TSNARE1: variants seen among roughly 807,000 people sequenced by gnomAD.
TSNARE1 encodes the protein t-SNARE domain-containing protein 1.
TSNARE1 carries 49 observed loss-of-function variants against 62.0 expected under a neutral mutation model. The observed-to-expected ratio is 0.79, with a 90% CI of 0.63 to 1.00. The LOEUF is 1.00. Among genes scored for constraint, TSNARE1 ranks in the 50% least tolerant of loss-of-function variants. The probability of loss-of-function intolerance (pLI) is 0.00; values close to 1 mark genes in which losing one functional copy is unlikely to be tolerated. For synonymous variants in TSNARE1, 328 were observed against 294.4 expected (o/e 1.11, Z -1.17); for missense variants, 755 against 700.1 (o/e 1.08, Z -0.88).
chr8:142,331,993 C>T (rs1258808476), intron 4 of TSNARE1, among the ~76,000 whole-genome samples, 162 bp from the exon 5 acceptor site: 3 of 152,188 alleles, frequency 2.0e-5, no homozygotes, highest in African/African-American at 4.8e-5. Context: ...ACCCTGGAGT[C>T]AGTGCTGGAC....
rs555309697 is a variant in TSNARE1 at position 142,394,288 on chromosome 8, C to T, written c.-40+8816G>A. Among the ~76,000 whole-genome samples the T allele has an allele frequency of 1.9e-3, 283 of 152,326 alleles. 1 individual carries two copies. Among genetic ancestry groups the T allele is most frequent in the African/African-American group, 6.4e-3 (264 of 41,574 alleles). ...GGACCACCCTGCCAGACTGAAGGAA[C>T]CAGGGTGTGGGCACCCCACAGCAGC... is the stretch of plus-strand genomic sequence containing the variant. On this transcript the variant is annotated intron_variant, in intron 1 of 13. Coordinates refer to ENST00000524325, the MANE Select transcript of TSNARE1 (RefSeq NM_145003.5).
At chr8:142,275,767 A>G (rs1820374339) in intron 11 of TSNARE1, 6 of 984,986 alleles carry the variant, frequency 6.1e-6, no homozygotes, top group African/African-American at 1.7e-5. Flanking sequence ...CAGGGCACAG[A>G]CCTGAGCTGA....
chr8:142,260,621 G>A (rs553673479), intron 12 of TSNARE1, among the ~76,000 whole-genome samples: 3 of 152,194 alleles, frequency 2.0e-5, no homozygotes, highest in South Asian at 2.1e-4. Context: ...GGAAAGCTTC[G>A]ATGTGGCCAG....
chr8:142,377,893 A>G (rs1369213164), intron 1 of TSNARE1, among the ~76,000 whole-genome samples: 1 of 152,254 alleles, frequency 6.6e-6, no homozygotes, highest in Non-Finnish European at 1.5e-5. Flanking sequence ...TATAATATGC[A>G]GCATCTCTAA....
At chr8:142,342,659 T>C (rs973152263) in intron 4 of TSNARE1, among the ~76,000 whole-genome samples, 2 of 152,204 alleles carry the variant, frequency 1.3e-5, no homozygotes, top group African/African-American at 4.8e-5. Context: ...GTGCACGCCA[T>C]GTCTATGCCC....
chr8:142,380,978 C>T (rs903244209), intron 1 of TSNARE1, among the ~76,000 whole-genome samples: 1 of 152,214 alleles, frequency 6.6e-6, no homozygotes, highest in Non-Finnish European at 1.5e-5. Flanking sequence ...CACACCTGCA[C>T]AGCTGGCCTC....
intron 9 of TSNARE1, among the ~76,000 whole-genome samples, chr8:142,305,626 T>C (rs1586693224): frequency 6.6e-6 from 1 of 152,000 alleles, no homozygotes; most frequent in South Asian, 2.1e-4. Context: ...GACGCCCGGG[T>C]CCCTCCGCGG....
intron 13 of TSNARE1, among the ~76,000 whole-genome samples, chr8:142,218,214 G>T (rs1445668888): frequency 6.9e-6 from 1 of 145,292 alleles, no homozygotes; most frequent in African/African-American, 2.6e-5. Context: ...CCAGAGTCAG[G>T]GCTTAACGTG....
intron 13 of TSNARE1, among the ~76,000 whole-genome samples, chr8:142,225,852 G>A (rs1415263023): frequency 3.9e-5 from 6 of 152,188 alleles, no homozygotes; most frequent in Non-Finnish European, 7.3e-5. Flanking sequence ...CTCATAGCCC[G>A]GGAGGTGAAG....
intron 12 of TSNARE1, among the ~76,000 whole-genome samples, chr8:142,257,330 G>A (rs926783839): frequency 2.6e-5 from 4 of 152,194 alleles, no homozygotes; most frequent in African/African-American, 9.6e-5. Context: ...CCGGTGCTCA[G>A]GAGGGGCCTG....
At chr8:142,378,908 G>A (rs117966797) in intron 1 of TSNARE1, among the ~76,000 whole-genome samples, 3,173 of 152,232 alleles carry the variant, frequency 0.021, 90 homozygotes, top group South Asian at 0.074. Context: ...CTGAGGCCCC[G>A]GGTGGCGCAC....
At chr8:142,370,853 A>C (rs926252835) in intron 1 of TSNARE1, among the ~76,000 whole-genome samples, 20 of 151,924 alleles carry the variant, frequency 1.3e-4, no homozygotes, top group Non-Finnish European at 2.2e-4. Context: ...AAAAACAAAA[A>C]AAAAAAAACC....
At chr8:142,221,829 TCACTCATC>T (rs1816257897) in intron 13 of TSNARE1, among the ~76,000 whole-genome samples, 3 of 57,144 alleles carry the variant, frequency 5.2e-5, no homozygotes, top group East Asian at 5.0e-4. Flanking sequence ...ATTCACTCAC[TCACTCATC>T]CACTCATTCA....
intron 10 of TSNARE1, among the ~76,000 whole-genome samples, chr8:142,290,475 GC>G (rs1823569055): frequency 6.6e-6 from 1 of 152,204 alleles, no homozygotes; most frequent in Non-Finnish European, 1.5e-5. Context: ...AAAGCCCCTT[GC>G]ACGAGACATA....
chr8:142,381,469 C>CG (rs71685215), intron 1 of TSNARE1, among the ~76,000 whole-genome samples: 6 of 75,506 alleles, frequency 7.9e-5, no homozygotes, highest in Non-Finnish European at 1.3e-4. Flanking sequence ...CCTATCAGCG[C>CG]CCCCCCCCAC....
At chr8:142,292,278 C>G (rs1823918184) in intron 10 of TSNARE1, among the ~76,000 whole-genome samples, 1 of 152,194 alleles carries the variant, frequency 6.6e-6, no homozygotes, top group African/African-American at 2.4e-5. Flanking sequence ...GTTGGAAGTT[C>G]TGACCCACAG....
intron 1 of TSNARE1, among the ~76,000 whole-genome samples, chr8:142,361,685 A>G (rs1835174864): frequency 6.6e-6 from 1 of 152,230 alleles, no homozygotes; most frequent in African/African-American, 2.4e-5. Context: ...GCTCAGGCTC[A>G]GGCTTGCCCT....
At chr8:142,405,995 A>G (rs1227045401), upstream of TSNARE1, 1 of 152,312 alleles carries the variant, frequency 6.6e-6, no homozygotes, top group Non-Finnish European at 1.5e-5. Context: ...GCCAGCTGTG[A>G]CACTGTTTGC....
intron 1 of TSNARE1, chr8:142,366,144 C>T: frequency 4.0e-6 from 1 of 247,526 alleles, no homozygotes. Context: ...TCATGCCACT[C>T]TCCAGCCTCA....
Sources: gnomAD v4.1 joint callset for allele counts (sites outside exome capture counted in the v4.1 genomes callset) on GRCh38, gnomAD v4.1.1 for gene constraint, MANE v1.5 for transcripts, NCBI Gene and HGNC (gene_info 2026-07-23, HGNC 2026-07-21) for gene names.